The following KCNAB1 variants were observed in gnomAD, a reference collection of about 807,000 sequenced individuals.
The protein encoded by KCNAB1 is voltage-gated potassium channel subunit beta-1.
Under a neutral mutation model 64.6 loss-of-function variants are expected in KCNAB1, and 35 were observed. The ratio of observed to expected loss-of-function variants is 0.54; its 90% confidence interval spans 0.41 to 0.72. The LOEUF is 0.72. KCNAB1 is among the 30% of genes least tolerant of loss of function. The pLI is 0.00. For synonymous variants in KCNAB1, 177 were observed against 183.8 expected, an observed-to-expected ratio of 0.96 and a Z score of 0.30; for missense variants, 401 against 512.9, an observed-to-expected ratio of 0.78 and a Z score of 2.11.
intron 2 of KCNAB1, among the ~76,000 whole-genome samples, chr3:156,434,458 G>C (rs1447769689): frequency 6.6e-6 from 1 of 152,140 alleles, no homozygotes; most frequent in African/African-American, 2.4e-5. Context: ...AATGAGGCTT[G>C]ACCAAATTGG....
At chr3:156,393,745 T>G (rs1271034631) in intron 1 of KCNAB1, among the ~76,000 whole-genome samples, 5 of 152,184 alleles carry the variant, frequency 3.3e-5, no homozygotes, top group Non-Finnish European at 7.3e-5. Flanking sequence ...ATTCCCTCTT[T>G]CTAGGGAGGG....
At chr3:156,432,201 A>G (rs1185026118) in intron 2 of KCNAB1, among the ~76,000 whole-genome samples, 1 of 152,198 alleles carries the variant, frequency 6.6e-6, no homozygotes, top group East Asian at 1.9e-4. Context: ...TGTCATTGGT[A>G]GCCATAGTTG....
chr3:156,328,547 T>G (rs1345794281), intron 1 of KCNAB1, among the ~76,000 whole-genome samples: 1 of 152,188 alleles, frequency 6.6e-6, no homozygotes, highest in East Asian at 1.9e-4. Flanking sequence ...TATCCTGTAG[T>G]TATGTCGTTA....
At chr3:156,179,941 A>G (rs1210889224) in intron 1 of KCNAB1, among the ~76,000 whole-genome samples, 1 of 152,230 alleles carries the variant, frequency 6.6e-6, no homozygotes, top group African/African-American at 2.4e-5. Context: ...TAGGCTCTGT[A>G]TTAGTCACTT....
chr3:156,282,192 C>T (rs1719768227), intron 1 of KCNAB1, among the ~76,000 whole-genome samples: 1 of 146,580 alleles, frequency 6.8e-6, no homozygotes, highest in South Asian at 2.4e-4. Flanking sequence ...TTTCAAAGAA[C>T]ATCTTTATTT....
At chr3:156,474,874 C>A in intron 8 of KCNAB1, 54 bp downstream of exon 8, 1 of 1,255,130 alleles carries the variant, frequency 8.0e-7, no homozygotes, top group Non-Finnish European at 1.2e-6. Flanking sequence ...AGTTTGAGGG[C>A]TTATTCTGCT....
intron 11 of KCNAB1, among the ~76,000 whole-genome samples, chr3:156,523,207 A>G (rs1718071907): frequency 6.6e-6 from 1 of 152,168 alleles, no homozygotes; most frequent in African/African-American, 2.4e-5. Context: ...TAACATTTGC[A>G]AAGTCTTTAT....
chr3:156,292,182 G>A (rs1395457924), intron 1 of KCNAB1: 2 of 1,581,706 alleles, frequency 1.3e-6, no homozygotes, highest in Non-Finnish European at 1.7e-6. Context: ...TACAGGTGCA[G>A]TGGAGACAGT....
intron 1 of KCNAB1, among the ~76,000 whole-genome samples, chr3:156,406,783 C>A (rs1714276031): frequency 6.6e-6 from 1 of 151,916 alleles, no homozygotes; most frequent in Non-Finnish European, 1.5e-5. Context: ...GGAGAGAATA[C>A]CATTAAAAAG....
chr3:156,159,230 C>A (rs951176145), intron 1 of KCNAB1, among the ~76,000 whole-genome samples: 2 of 152,012 alleles, frequency 1.3e-5, no homozygotes, highest in Non-Finnish European at 2.9e-5. Flanking sequence ...ATTTCTTGAG[C>A]TTTGGGTCTT....
intron 1 of KCNAB1, among the ~76,000 whole-genome samples, chr3:156,214,911 C>T (rs1715224262): frequency 6.6e-6 from 1 of 152,210 alleles, no homozygotes; most frequent in Non-Finnish European, 1.5e-5. Context: ...AGGATCTTCA[C>T]ACACTGGTCT....
intron 1 of KCNAB1, among the ~76,000 whole-genome samples, chr3:156,325,152 A>G (rs78786763): frequency 0.014 from 2,152 of 152,286 alleles, 21 homozygotes; most frequent in South Asian, 0.032. Flanking sequence ...GGATACTACT[A>G]TCATTCCTGT....
Position 156,538,413 on chromosome 3 carries a change from T to G in KCNAB1, c.*1666T>G, listed in dbSNP as rs1719214613. ...TCTTTTTGATTACTAGTACCTGTAT[T>G]CTAACAGAGAGTTTGAATTTTTTGC... is the stretch of plus-strand genomic sequence containing the variant. On this transcript the variant is annotated 3_prime_UTR_variant, in exon 14 of 14. Coordinates refer to ENST00000490337, the MANE Select transcript of KCNAB1 (RefSeq NM_172160.3). The G allele has an allele frequency of 6.6e-6, 1 of 152,256 alleles. No homozygotes were observed. The highest frequency in any genetic ancestry group is 1.5e-5 in the Non-Finnish European group (1 of 68,040). 9.4% of individuals were successfully genotyped at this position (152,256 alleles called of 1,614,324 possible). A position where few individuals can be genotyped will look rare whatever the true frequency, so the allele number is the denominator to read the frequency against.
At chr3:156,530,904 G>A (rs999430185) in intron 12 of KCNAB1, among the ~76,000 whole-genome samples, 26 of 152,136 alleles carry the variant, frequency 1.7e-4, no homozygotes, top group African/African-American at 5.8e-4. Context: ...GCCATCTGCT[G>A]GTGAGCAGTG....
intron 1 of KCNAB1, among the ~76,000 whole-genome samples, chr3:156,311,793 A>G (rs1481605269): frequency 6.6e-6 from 1 of 152,204 alleles, no homozygotes; most frequent in African/African-American, 2.4e-5. Flanking sequence ...GGACACATCA[A>G]TACGAGTGTG....
chr3:156,124,335 G>A (rs1344374697), intron 1 of KCNAB1, among the ~76,000 whole-genome samples: 1 of 151,662 alleles, frequency 6.6e-6, no homozygotes, highest in Non-Finnish European at 1.5e-5. Flanking sequence ...GCCTGCCTCA[G>A]ACTCCCAAGT....
intron 1 of KCNAB1, among the ~76,000 whole-genome samples, chr3:156,343,635 T>C (rs559005919): frequency 9.0e-4 from 137 of 152,336 alleles, no homozygotes; most frequent in Non-Finnish European, 1.6e-3. Context: ...TGTCTCCCCT[T>C]GGCTGGTTGA....
At chr3:156,426,263 C>A (rs1042434239) in intron 2 of KCNAB1, among the ~76,000 whole-genome samples, 13 of 152,158 alleles carry the variant, frequency 8.5e-5, no homozygotes, top group Admixed American at 7.9e-4. Flanking sequence ...CCACAGCTTC[C>A]ATCAAAGCAG....
At chr3:156,429,216 GA>G (rs1223924066) in intron 2 of KCNAB1, among the ~76,000 whole-genome samples, 1 of 152,190 alleles carries the variant, frequency 6.6e-6, no homozygotes, top group Non-Finnish European at 1.5e-5. Flanking sequence ...TATCTGGATG[GA>G]TTAAGATAGA....
Sources: allele counts gnomAD v4.1 joint callset (sites outside exome capture counted in the v4.1 genomes callset), GRCh38; gene constraint gnomAD v4.1.1; transcripts MANE v1.5; gene names NCBI Gene and HGNC (gene_info 2026-07-23, HGNC 2026-07-21).